The following PRKCE variants were observed in gnomAD, a reference collection of about 807,000 sequenced individuals.
PRKCE encodes protein kinase C epsilon, also known as protein kinase C epsilon type.
Under a neutral mutation model 85.4 loss-of-function variants are expected in PRKCE, and 16 were observed. The ratio of observed to expected loss-of-function variants is 0.19; its 90% CI spans 0.13 to 0.28. The LOEUF is 0.28. Among genes scored for constraint, PRKCE ranks in the 10% least tolerant of loss-of-function variants. The pLI, the probability that PRKCE is intolerant of heterozygous loss-of-function variation, is 1.00. For missense variants in PRKCE, 573 were observed against 975.2 expected (o/e 0.59, Z 5.49); for synonymous variants, 388 against 371.5 (o/e 1.04, Z -0.51).
At chr2:45,938,649 C>G (rs1166790504) in intron 2 of PRKCE, among the ~76,000 whole-genome samples, 1 of 152,182 alleles carries the variant, frequency 6.6e-6, no homozygotes, top group African/African-American at 2.4e-5. Context: ...TCTCTTTTGC[C>G]TAGATGCTGC....
chr2:45,924,482 T>A (rs935802893), intron 2 of PRKCE, among the ~76,000 whole-genome samples: 1 of 152,132 alleles, frequency 6.6e-6, no homozygotes, highest in East Asian at 1.9e-4. Flanking sequence ...GGAGGCAGGA[T>A]AACAGAGAGG....
At chr2:45,730,524 A>G (rs1386499898) in intron 1 of PRKCE, among the ~76,000 whole-genome samples, 3 of 150,708 alleles carry the variant, frequency 2.0e-5, no homozygotes, top group Non-Finnish European at 4.4e-5. Context: ...CAGTGGCACA[A>G]TCTCGGCTCA....
chr2:45,975,592 G>T (rs529105149), intron 2 of PRKCE, among the ~76,000 whole-genome samples: 3 of 152,292 alleles, frequency 2.0e-5, no homozygotes, highest in African/African-American at 7.2e-5. Context: ...CACTTTGGGG[G>T]TTAAGACTTT....
At chr2:45,975,274 C>T (rs767081551) in intron 2 of PRKCE, among the ~76,000 whole-genome samples, 1 of 152,194 alleles carries the variant, frequency 6.6e-6, no homozygotes, top group South Asian at 2.1e-4. Context: ...CGTAAGCCCA[C>T]GATAAACATT....
rs34553119 is a variant in PRKCE, at chr2:45,830,072, C to CAA, written c.349-12904_349-12903dup. Among the ~76,000 whole-genome samples the CAA allele has an allele frequency of 1.7e-3, 188 of 108,788 alleles. 1 individual carries two copies. Among genetic ancestry groups the CAA allele is most frequent in the Middle Eastern group, 4.3e-3 (1 of 230 alleles). 71.4% of individuals were successfully genotyped at this position (108,788 alleles called of 152,430 possible). A position where few individuals can be genotyped will look rare whatever the true frequency, so the allele number is the denominator to read the frequency against. ...TGGGCGACAGAGCGAGACTCCGTCT[C>CAA]AAAAAAAAAAAAAAAAAAAAAAAAA... On this transcript the variant is annotated intron_variant, in intron 1 of 14. Transcript: ENST00000306156.
chr2:45,770,990 A>G (rs1207108162), intron 1 of PRKCE: 1 of 152,108 alleles, frequency 6.6e-6, no homozygotes, highest in African/African-American at 2.4e-5. Flanking sequence ...TGCATTAGCA[A>G]TTGACTTACA....
chr2:45,661,532 T>TTG (rs1553371776), intron 1 of PRKCE, among the ~76,000 whole-genome samples: 1 of 126,056 alleles, frequency 7.9e-6, no homozygotes, highest in Non-Finnish European at 1.7e-5. Context: ...TGTTTTTTGT[T>TTG]TTTTTTTTTT....
chr2:46,071,239 A>G (rs1668058599), intron 10 of PRKCE, among the ~76,000 whole-genome samples: 1 of 152,212 alleles, frequency 6.6e-6, no homozygotes, highest in South Asian at 2.1e-4. Context: ...CTCTCCAAAG[A>G]GATTGTAGCC....
intron 6 of PRKCE, among the ~76,000 whole-genome samples, chr2:45,994,116 C>T (rs1704033355): frequency 1.3e-5 from 2 of 152,304 alleles, no homozygotes; most frequent in East Asian, 3.9e-4. Flanking sequence ...GGTTTTTAAA[C>T]ATTTTTAGTA....
chr2:45,710,642 T>G (rs1301940939), intron 1 of PRKCE, among the ~76,000 whole-genome samples: 1 of 152,220 alleles, frequency 6.6e-6, no homozygotes, highest in South Asian at 2.1e-4. Flanking sequence ...CTCTGGACAT[T>G]GCGGCTCCAG....
Position 45,786,496 on chromosome 2 carries a change from A to G in PRKCE, c.349-56504A>G, listed in dbSNP as rs897090061. On this transcript the variant is annotated intron_variant, in intron 1 of 14. Coordinates refer to ENST00000306156, the MANE Select transcript of PRKCE (RefSeq NM_005400.3). This position sits in a 1 kb window ranked among gnomAD's most constrained non-coding sequence, Gnocchi z 5.3. Reference sequence around the variant, plus strand: ...ATCTGCTTTCAGCCATTTTATCTTTAGTTTCCATCTGCACACTACCTAATT... The same window carrying G: ...ATCTGCTTTCAGCCATTTTATCTTTGGTTTCCATCTGCACACTACCTAATT... Among the ~76,000 whole-genome samples, 1 of 152,110 alleles carries G rather than the reference A, an allele frequency of 6.6e-6. No homozygotes were observed. Among genetic ancestry groups the G allele is most frequent in the Non-Finnish European group, 1.5e-5 (1 of 68,030 alleles).
At chr2:45,932,800 G>A (rs1050972429) in intron 2 of PRKCE, among the ~76,000 whole-genome samples, 2 of 152,032 alleles carry the variant, frequency 1.3e-5, no homozygotes, top group Admixed American at 1.3e-4. Context: ...ACTCCCCCCA[G>A]CCCCGGGCAA....
At chr2:46,147,021 G>GT (rs1463682336) in intron 12 of PRKCE, among the ~76,000 whole-genome samples, 1 of 152,204 alleles carries the variant, frequency 6.6e-6, no homozygotes, top group Non-Finnish European at 1.5e-5. Flanking sequence ...AAGGCAGGGA[G>GT]TGAGGGACTG....
intron 11 of PRKCE, among the ~76,000 whole-genome samples, chr2:46,096,611 C>G (rs1364121970): frequency 6.6e-6 from 1 of 152,190 alleles, no homozygotes; most frequent in Non-Finnish European, 1.5e-5. Flanking sequence ...CAGCCTTCTG[C>G]AAGCCAAGGA....
At chr2:45,828,649 T>G (rs969245547) in intron 1 of PRKCE, among the ~76,000 whole-genome samples, 4 of 152,196 alleles carry the variant, frequency 2.6e-5, no homozygotes, top group Non-Finnish European at 5.9e-5. Flanking sequence ...TTTCTTTTCT[T>G]TTTTTCAGCT....
chr2:46,026,904 G>A (rs1194375825), intron 10 of PRKCE, among the ~76,000 whole-genome samples: 2 of 152,182 alleles, frequency 1.3e-5, no homozygotes, highest in Non-Finnish European at 2.9e-5. Flanking sequence ...AGAAAAGCAA[G>A]GGGCCGGGTG....
intron 1 of PRKCE, among the ~76,000 whole-genome samples, chr2:45,820,062 A>C (rs554500897): frequency 5.9e-5 from 9 of 152,308 alleles, no homozygotes; most frequent in African/African-American, 2.2e-4. Context: ...TCAGAGCAAA[A>C]TAAAGGAGGA....
At chr2:45,814,369 C>G (rs1688871012) in intron 1 of PRKCE, among the ~76,000 whole-genome samples, 1 of 152,198 alleles carries the variant, frequency 6.6e-6, no homozygotes, top group South Asian at 2.1e-4. Context: ...GTCGGGGGCT[C>G]TGCAGAAGTG....
intron 1 of PRKCE, among the ~76,000 whole-genome samples, chr2:45,820,577 C>T (rs1000873341): frequency 6.6e-6 from 1 of 152,120 alleles, no homozygotes; most frequent in Non-Finnish European, 1.5e-5. Context: ...AGAGAAATGA[C>T]TCGTGACAGC....
Sources: allele counts gnomAD v4.1 joint callset (sites outside exome capture counted in the v4.1 genomes callset), GRCh38; gene constraint gnomAD v4.1.1; non-coding constraint Gnocchi (gnomAD v3.1); transcripts MANE v1.5; gene names NCBI Gene and HGNC (gene_info 2026-07-23, HGNC 2026-07-21).